RBFOX1: variants seen among roughly 807,000 people sequenced by gnomAD.
The protein encoded by RBFOX1 is RNA binding fox-1 homolog 1, also known as RNA binding protein fox-1 homolog 1.
RBFOX1 carries 8 observed loss-of-function variants against 57.7 expected under a neutral mutation model. The observed-to-expected ratio is 0.14, with a 90% CI of 0.08 to 0.25. The LOEUF (loss-of-function observed/expected upper bound fraction) is 0.25. Ranked by LOEUF, RBFOX1 falls within the 10% of genes least tolerant of loss-of-function variation. The pLI is 1.00. For synonymous variants in RBFOX1, 326 were observed against 222.4 expected (o/e 1.47, Z -4.15); for missense variants, 611 against 548.5 (o/e 1.11, Z -1.14).
chr16:7,578,861 G>A (rs2093534378), intron 5 of RBFOX1, among the ~76,000 whole-genome samples: 1 of 152,174 alleles, frequency 6.6e-6, no homozygotes, highest in African/African-American at 2.4e-5. Context: ...TACCTAATGT[G>A]ACTGTGACTT....
chr16:7,484,872 G>T (rs1488143161), intron 4 of RBFOX1, among the ~76,000 whole-genome samples: 1 of 152,120 alleles, frequency 6.6e-6, no homozygotes, highest in East Asian at 1.9e-4. Context: ...CCACCTTTGG[G>T]CTATCAGATG....
intron 3 of RBFOX1, among the ~76,000 whole-genome samples, chr16:7,020,847 C>A (rs1444236934): frequency 6.6e-6 from 1 of 152,242 alleles, no homozygotes; most frequent in South Asian, 2.1e-4. Flanking sequence ...TTTCTCGAGG[C>A]CAGTCTTGAA....
chr16:7,567,677 C>T (rs1478919210), intron 5 of RBFOX1, among the ~76,000 whole-genome samples: 3 of 137,126 alleles, frequency 2.2e-5, no homozygotes, highest in African/African-American at 8.1e-5. Context: ...CTATATATGG[C>T]CCTATATAGA....
At chr16:5,649,381 G>A (rs914943468) in intron 3 of RBFOX1, among the ~76,000 whole-genome samples, 1 of 152,062 alleles carries the variant, frequency 6.6e-6, no homozygotes, top group Non-Finnish European at 1.5e-5. Context: ...TGTTGGCCAG[G>A]TTGGTCTTGA....
intron 2 of RBFOX1, among the ~76,000 whole-genome samples, chr16:6,596,451 A>C (rs908916711): frequency 6.6e-6 from 1 of 152,182 alleles, no homozygotes; most frequent in Non-Finnish European, 1.5e-5. Flanking sequence ...GTAGAATGTA[A>C]ATATATGAAG....
intron 3 of RBFOX1, among the ~76,000 whole-genome samples, chr16:6,979,943 C>T (rs553816135): frequency 8.5e-4 from 130 of 152,230 alleles, no homozygotes; most frequent in African/African-American, 3.1e-3. Flanking sequence ...TCTGAGAGGT[C>T]TCTGGGGAAG....
chr16:5,594,730 C>T (rs1277098593), intron 2 of RBFOX1, among the ~76,000 whole-genome samples: 2 of 152,074 alleles, frequency 1.3e-5, no homozygotes, highest in Non-Finnish European at 2.9e-5. Flanking sequence ...CAATGGGAGG[C>T]AAGTTGGCCC....
chr16:6,306,782 A>G (rs907381660), intron 1 of RBFOX1, among the ~76,000 whole-genome samples: 15 of 152,168 alleles, frequency 9.9e-5, no homozygotes, highest in African/African-American at 3.1e-4. Context: ...GCAGGAATTA[A>G]AAGTTGTCGT....
intron 5 of RBFOX1, among the ~76,000 whole-genome samples, chr16:7,571,331 G>A (rs1462754757): frequency 2.0e-5 from 3 of 151,980 alleles, no homozygotes; most frequent in African/African-American, 7.3e-5. Context: ...CCCAGGAGGG[G>A]GACAGAATCC....
intron 1 of RBFOX1, among the ~76,000 whole-genome samples, chr16:6,138,987 C>A (rs2096690843): frequency 6.6e-6 from 1 of 152,186 alleles, no homozygotes; most frequent in Admixed American, 6.5e-5. Context: ...GTGTGAACAT[C>A]AGGAGGCAGA....
At chr16:5,515,049 A>C (rs1230928267) in intron 2 of RBFOX1, among the ~76,000 whole-genome samples, 1 of 152,112 alleles carries the variant, frequency 6.6e-6, no homozygotes, top group Non-Finnish European at 1.5e-5. Context: ...CAGACTCTTT[A>C]ACAACCAACT....
In RBFOX1 at chr16:7,423,430, T is replaced by A. The variant is rs537670538; in HGVS notation, c.28-94717T>A. Among the ~76,000 whole-genome samples the A allele has an allele frequency of 3.3e-5, 5 of 151,848 alleles. No individual in the cohort carries two copies. The East Asian group carries it at 9.7e-4, about 29-fold the overall frequency. ...CTGTCATACTAAAAGATATTTGGGG[T>A]GCAAGAGTTACTTCTGCCAGCAGAA... On this transcript the variant is annotated intron_variant, in intron 4 of 15. Coordinates refer to ENST00000550418, the MANE Select transcript of RBFOX1 (RefSeq NM_018723.4).
chr16:6,155,116 A>G (rs1256264074), intron 1 of RBFOX1, among the ~76,000 whole-genome samples: 2 of 152,138 alleles, frequency 1.3e-5, no homozygotes, highest in African/African-American at 4.8e-5. Flanking sequence ...TTCTATATAC[A>G]TTTTCTAGGT....
At chr16:6,392,256 C>G (rs2092637935) in intron 2 of RBFOX1, among the ~76,000 whole-genome samples, 1 of 152,208 alleles carries the variant, frequency 6.6e-6, no homozygotes, top group Non-Finnish European at 1.5e-5. Flanking sequence ...AGCGTTTTAA[C>G]TGAAGACACT....
intron 2 of RBFOX1, among the ~76,000 whole-genome samples, chr16:5,540,351 A>C (rs984974985): frequency 3.9e-5 from 6 of 152,238 alleles, no homozygotes; most frequent in Admixed American, 3.3e-4. Flanking sequence ...TATGTATACT[A>C]TGAAATATGA....
chr16:6,076,866 A>G (rs897556951), intron 1 of RBFOX1, among the ~76,000 whole-genome samples: 6 of 152,194 alleles, frequency 3.9e-5, no homozygotes, highest in Admixed American at 6.5e-5. Context: ...GTTGGCACTC[A>G]GTGAGTAGGC....
intron 4 of RBFOX1, among the ~76,000 whole-genome samples, chr16:7,415,653 C>T (rs1316127197): frequency 2.0e-5 from 3 of 152,134 alleles, no homozygotes; most frequent in Non-Finnish European, 4.4e-5. Context: ...TCTGTTCTCT[C>T]TCTTAAAAGT....
chr16:6,586,292 C>G (rs1022435172), intron 2 of RBFOX1, among the ~76,000 whole-genome samples: 1 of 152,160 alleles, frequency 6.6e-6, no homozygotes. Flanking sequence ...TCAGTGTATT[C>G]TATATTGTGC....
intron 2 of RBFOX1, among the ~76,000 whole-genome samples, chr16:6,402,595 T>G (rs76183012): frequency 0.024 from 3,631 of 152,304 alleles, 81 homozygotes; most frequent in South Asian, 0.085. Flanking sequence ...ACCTATACAT[T>G]TACACTGGGT....
Sources: gnomAD v4.1 joint callset for allele counts (sites outside exome capture counted in the v4.1 genomes callset) on GRCh38, gnomAD v4.1.1 for gene constraint, MANE v1.5 for transcripts, NCBI Gene and HGNC (gene_info 2026-07-23, HGNC 2026-07-21) for gene names.